The following DLG2 variants were observed in gnomAD, a reference collection of about 807,000 sequenced individuals.
The protein encoded by DLG2 is discs large MAGUK scaffold protein 2.
A neutral mutation model predicts 132.5 loss-of-function variants in DLG2; 45 were observed. The ratio of observed to expected loss-of-function variants is 0.34; its 90% confidence interval spans 0.27 to 0.44. The LOEUF (loss-of-function observed/expected upper bound fraction) is 0.44. DLG2 is among the 20% of genes least tolerant of loss of function. The pLI is 1.00. For missense variants in DLG2, 1,045 were observed against 1,196.9 expected, an observed-to-expected ratio of 0.87 and a Z score of 1.87; for synonymous variants, 424 against 419.6, an observed-to-expected ratio of 1.01 and a Z score of -0.13.
chr11:84,868,333 C>G (rs1290259364), intron 6 of DLG2, among the ~76,000 whole-genome samples: 1 of 151,754 alleles, frequency 6.6e-6, no homozygotes, highest in African/African-American at 2.4e-5. Context: ...AGTAAATAAG[C>G]CTTTTTAAAC....
intron 6 of DLG2, among the ~76,000 whole-genome samples, chr11:84,570,523 A>T (rs1207629409): frequency 1.3e-5 from 2 of 152,202 alleles, no homozygotes; most frequent in African/African-American, 4.8e-5. Context: ...TGCCTGGCAC[A>T]TAGTAGGTGT....
chr11:84,253,237 G>A (rs991540909), intron 7 of DLG2, among the ~76,000 whole-genome samples: 7 of 152,082 alleles, frequency 4.6e-5, no homozygotes, highest in African/African-American at 1.4e-4. Context: ...CAGAAGACAT[G>A]GGCTCAAGGT....
chr11:83,601,844 A>T (rs1171556725), intron 19 of DLG2, among the ~76,000 whole-genome samples: 2 of 151,952 alleles, frequency 1.3e-5, no homozygotes, highest in Non-Finnish European at 1.5e-5. Flanking sequence ...TCTTAAGGAG[A>T]AGAACAACTT....
chr11:84,162,447 G>A (rs1213379492), intron 9 of DLG2, among the ~76,000 whole-genome samples: 1 of 151,680 alleles, frequency 6.6e-6, no homozygotes, highest in African/African-American at 2.4e-5. Context: ...TTTTTCTAAA[G>A]TATTATTTCA....
intron 7 of DLG2, chr11:84,272,179 G>C (rs1219280061): frequency 3.2e-6 from 1 of 311,482 alleles, no homozygotes; most frequent in African/African-American, 2.2e-5. Flanking sequence ...AATTAGAAGA[G>C]CTTCAAATAT....
intron 6 of DLG2, among the ~76,000 whole-genome samples, chr11:84,662,786 C>CAAAAAAAA (rs752017709): frequency 1.7e-4 from 14 of 80,278 alleles, no homozygotes; most frequent in South Asian, 4.6e-4. Flanking sequence ...GACTCTGTCA[C>CAAAAAAAA]AAAAAAAAAA....
rs188544597 is a variant in DLG2 at position 84,605,509 on chromosome 11, T to C, written c.358-70778A>G. Among the ~76,000 whole-genome samples the C allele has an allele frequency of 2.6e-5, 4 of 151,908 alleles. No homozygotes were observed. In the East Asian group the frequency reaches 7.7e-4, roughly 29 times the overall value. The stretch of plus-strand genomic sequence containing the variant: ...AAATGCCACATTACTTTAATTCACA[T>C]TCCATTGCTAACACTATTCAACATC... On this transcript the variant is annotated intron_variant, in intron 6 of 27. Transcript: ENST00000376104.
At chr11:83,725,906 C>A (rs983197180) in intron 18 of DLG2, among the ~76,000 whole-genome samples, 2 of 152,100 alleles carry the variant, frequency 1.3e-5, no homozygotes, top group African/African-American at 4.8e-5. Context: ...GCACTATTTC[C>A]CAGCACGGTC....
intron 7 of DLG2, among the ~76,000 whole-genome samples, chr11:84,388,844 C>T (rs1006381996): frequency 1.3e-5 from 2 of 152,164 alleles, no homozygotes; most frequent in Non-Finnish European, 2.9e-5. Flanking sequence ...GTAACTCTTG[C>T]TCTGCTTAAA....
chr11:84,050,304 G>A (rs1229647088), intron 11 of DLG2, among the ~76,000 whole-genome samples: 1 of 151,828 alleles, frequency 6.6e-6, no homozygotes, highest in Admixed American at 6.6e-5. Context: ...ATGTCGACAG[G>A]CTGCATAAAT....
chr11:85,271,694 G>A (rs969090640), intron 4 of DLG2, among the ~76,000 whole-genome samples: 4 of 152,246 alleles, frequency 2.6e-5, no homozygotes, highest in Admixed American at 6.5e-5. Flanking sequence ...TCAATCTGGA[G>A]CTTTAAGATT....
At chr11:85,232,415 A>G (rs540219623) in intron 4 of DLG2, among the ~76,000 whole-genome samples, 134 of 151,992 alleles carry the variant, frequency 8.8e-4, no homozygotes, top group Non-Finnish European at 1.4e-3. Context: ...TTATTATTGA[A>G]CCATCAGAAA....
intron 3 of DLG2, among the ~76,000 whole-genome samples, chr11:85,592,968 AAAAAG>A (rs1295639787): frequency 1.3e-5 from 2 of 151,694 alleles, no homozygotes; most frequent in Admixed American, 6.6e-5. Context: ...GAAAAGAAAA[AAAAAG>A]AAAAGAAAAG....
chr11:85,228,183 T>C (rs1595542199), intron 4 of DLG2, among the ~76,000 whole-genome samples: 1 of 152,206 alleles, frequency 6.6e-6, no homozygotes, highest in East Asian at 1.9e-4. Flanking sequence ...GAATAGTAGC[T>C]AGTGCATAGT....
chr11:84,454,981 C>A (rs995474532), intron 7 of DLG2, among the ~76,000 whole-genome samples: 1 of 151,140 alleles, frequency 6.6e-6, no homozygotes, highest in African/African-American at 2.4e-5. Context: ...CAATTTTATG[C>A]CAATTATTCT....
chr11:84,220,780 C>CTTTTTTTTTTTTTTTTTTTTTTTTT (rs5793114), intron 8 of DLG2, among the ~76,000 whole-genome samples: 1 of 77,542 alleles, frequency 1.3e-5, no homozygotes. Context: ...TTTTTCTTTT[C>CTTTTTTTTTTTTTTTTTTTTTTTTT]TTTTTTTTTT....
intron 4 of DLG2, among the ~76,000 whole-genome samples, chr11:85,278,522 C>A (rs1365186679): frequency 6.6e-6 from 1 of 152,026 alleles, no homozygotes. Flanking sequence ...ATCGCTTGAA[C>A]CTGGGAGGTG....
intron 9 of DLG2, among the ~76,000 whole-genome samples, chr11:84,112,539 T>TTTA (rs142281526): frequency 7.9e-5 from 12 of 152,024 alleles, no homozygotes; most frequent in African/African-American, 2.7e-4. Context: ...TTTTTTTTTT[T>TTTA]AGGCAGATAA....
intron 8 of DLG2, among the ~76,000 whole-genome samples, chr11:84,172,947 T>G (rs1354094839): frequency 1.3e-5 from 2 of 152,270 alleles, no homozygotes; most frequent in African/African-American, 4.8e-5. Flanking sequence ...ATAACTACTA[T>G]GTTTTTAAAA....
Sources: gnomAD v4.1 joint callset for allele counts (sites outside exome capture counted in the v4.1 genomes callset) on GRCh38, gnomAD v4.1.1 for gene constraint, MANE v1.5 for transcripts, NCBI Gene and HGNC (gene_info 2026-07-23, HGNC 2026-07-21) for gene names.